Variants in PHF12 observed in about 807,000 individuals in gnomAD.
The protein encoded by PHF12 is PHD finger protein 12, also known as PHD factor 1.
Under a neutral mutation model 99.8 loss-of-function variants are expected in PHF12, and 6 were observed. The ratio of observed to expected loss-of-function variants is 0.06; its 90% CI spans 0.03 to 0.12. The LOEUF (loss-of-function observed/expected upper bound fraction) is 0.12, where lower values mean the gene tolerates loss of function less well. PHF12 is among the 10% of genes least tolerant of loss of function. PHF12 has a pLI of 1.00. For synonymous variants in PHF12, 480 were observed against 514.9 expected, an observed-to-expected ratio of 0.93 and a Z score of 0.92; for missense variants, 954 against 1,300.1, an observed-to-expected ratio of 0.73 and a Z score of 4.09.
Position 28,906,709 on chromosome 17 carries a change from G to T in PHF12, c.2680+147C>A. 1 of 1,323,066 alleles carries T rather than the reference G, an allele frequency of 7.6e-7. No homozygotes were observed. The highest frequency in any genetic ancestry group is 1.0e-6 in the Non-Finnish European group (1 of 973,036). The allele number at this position is 1,323,066 out of a possible 1,614,324, so 82.0% of individuals were successfully genotyped here. A position where few individuals can be genotyped will look rare whatever the true frequency, so the allele number is the denominator to read the frequency against. On this transcript the variant is annotated intron_variant, in intron 14 of 14. Transcript: ENST00000332830. The surrounding 1 kb of genome is among the most constrained non-coding windows in gnomAD (Gnocchi z 4.2). ...ACACACATGGGGGTACTCAGCACTT[G>T]CTTCTCTGTGGCCTGCCCTGGGCCC...
chr17:28,950,829 T>C lies in PHF12; in HGVS notation c.66+66A>G, dbSNP rs2040797136. 1.3e-6 allele frequency: 2 copies of C among 1,599,446 alleles called. No homozygotes were observed. Among genetic ancestry groups the C allele is most frequent in the African/African-American group, 1.3e-5 (1 of 74,204 alleles). On this transcript the variant is annotated intron_variant, in intron 1 of 14. Coordinates refer to ENST00000332830, the MANE Select transcript of PHF12 (RefSeq NM_001033561.2). This position sits in a 1 kb window ranked among gnomAD's most constrained non-coding sequence, Gnocchi z 5.7. Reference sequence around the variant, plus strand: ...GGCGCTTCGAGTTTAGGACTGGCTTTGTGGGGCGGAGGGCGGAGGTTCCCT... The same window carrying C: ...GGCGCTTCGAGTTTAGGACTGGCTTCGTGGGGCGGAGGGCGGAGGTTCCCT...
At position 28,910,939 on chromosome 17, in the gene PHF12, C is replaced by G. The variant is rs1211149515; in HGVS notation, c.2215+173G>C. On this transcript the variant is annotated intron_variant, in intron 10 of 14. Coordinates refer to ENST00000332830, the MANE Select transcript of PHF12 (RefSeq NM_001033561.2). ...GTAGAAGGCAGAGCTACAGAAGGAG[C>G]TTTCTTTTTCACCCCGCCCCCCCAT... 8.2e-6 allele frequency: 7 copies of G among 858,592 alleles called. No homozygotes were observed. In the East Asian group the frequency reaches 1.9e-4, roughly 24 times the overall value. The allele number at this position is 858,592 out of a possible 1,614,324, so 53.2% of individuals were successfully genotyped here.
chr17:28,912,081 T>TCGGTG, intron 9 of PHF12: 1 of 1,021,214 alleles, frequency 9.8e-7, no homozygotes, highest in Admixed American at 5.5e-5. Context: ...TGTGTGGATC[T>TCGGTG]GACAATACTG....
intron 4 of PHF12, 50 bp from the exon 5 acceptor site, chr17:28,921,858 A>G (rs1212721741): frequency 6.2e-7 from 1 of 1,607,602 alleles, no homozygotes; most frequent in Non-Finnish European, 8.5e-7. Flanking sequence ...CAGAGTTCCT[A>G]GCCTGCAATA....
In PHF12 at chr17:28,951,331, G is replaced by A. The variant is rs552266820; in HGVS notation, c.-371C>T. 109 of 1,056,384 alleles carry A rather than the reference G, an allele frequency of 1.0e-4. No individual in the cohort carries two copies. In the Admixed American group the frequency reaches 2.0e-3, roughly 19 times the overall value. 65.4% of individuals were successfully genotyped at this position (1,056,384 alleles called of 1,614,324 possible). A position where few individuals can be genotyped will look rare whatever the true frequency, so the allele number is the denominator to read the frequency against. On this transcript the variant is annotated 5_prime_UTR_variant, in exon 1 of 15. Coordinates refer to ENST00000332830, the MANE Select transcript of PHF12 (RefSeq NM_001033561.2). ...CATCCCGGGGCTGGGGGTATCGGAG[G>A]GGGGGTGAGAGGTTACGTGAGGTTG...
At position 28,930,345 on chromosome 17, in the gene PHF12, C is replaced by CA. The variant is rs78882320; in HGVS notation, c.249-3283dup. Among the ~76,000 whole-genome samples the CA allele has an allele frequency of 6.4e-4, 98 of 152,356 alleles. 1 individual carries two copies. The East Asian group carries it at 0.017, about 26-fold the overall frequency. ...CATTACATGTCTGAATCCCCTTCTC[C>CA]ATGCCTCATTTGCCTTTGTACCTCC... On this transcript the variant is annotated intron_variant, in intron 2 of 14. Coordinates refer to ENST00000332830, the MANE Select transcript of PHF12 (RefSeq NM_001033561.2).
In PHF12 at chr17:28,907,000, G is replaced by A. The variant is rs748340273; in HGVS notation, c.2542-6C>T. The A allele has an allele frequency of 2.5e-6, 4 of 1,601,722 alleles. No individual in the cohort carries two copies. The highest frequency in any genetic ancestry group is 3.4e-6 in the Non-Finnish European group (4 of 1,173,488). On this transcript the variant is annotated splice_region_variant and splice_polypyrimidine_tract_variant and intron_variant, in intron 13 of 14. Coordinates refer to ENST00000332830, the MANE Select transcript of PHF12 (RefSeq NM_001033561.2). This position sits in a 1 kb window ranked among gnomAD's most constrained non-coding sequence, Gnocchi z 4.2. ...AGCTCATAATGTTTGGTATTCTGAGGAGGAGGAGGGGAGATAAGATGTGTG... is the reference window on the plus strand; with the variant it reads ...AGCTCATAATGTTTGGTATTCTGAGAAGGAGGAGGGGAGATAAGATGTGTG...
intron 5 of PHF12, among the ~76,000 whole-genome samples, chr17:28,920,740 T>C (rs2040147942): frequency 6.6e-6 from 1 of 152,008 alleles, no homozygotes; most frequent in South Asian, 2.1e-4. Context: ...TTTTTGTATT[T>C]TTAGTAGAGA....
intron 6 of PHF12, 31 bp downstream of exon 6, chr17:28,919,112 T>C (rs371107686): frequency 1.1e-5 from 17 of 1,600,968 alleles, no homozygotes; most frequent in East Asian, 2.2e-5. Flanking sequence ...GCTATGCCCA[T>C]TGAGGACTGA....
Position 28,911,147 on chromosome 17 carries a change from G to A in PHF12, c.2180C>T (p.Thr727Ile). 1 of 1,614,160 alleles carries A rather than the reference G, an allele frequency of 6.2e-7. No homozygotes were observed. The highest frequency in any genetic ancestry group is 8.5e-7 in the Non-Finnish European group (1 of 1,180,018). ...PANSTAMVDL[T>I]NSLRAFMDVN... ...ATCCATAAATGCTCGAAGTGAGTTG[G>A]TGAGGTCCACCATGGCAGTAGAGTT... The change falls in exon 10 of 15, where the codon ACC becomes ATC. Residue 727 changes from threonine (T) to isoleucine (I), a missense_variant. Coordinates refer to ENST00000332830, the MANE Select transcript of PHF12 (RefSeq NM_001033561.2).
intron 2 of PHF12, among the ~76,000 whole-genome samples, chr17:28,937,523 T>G (rs2040531702): frequency 1.3e-5 from 2 of 152,210 alleles, no homozygotes; most frequent in Non-Finnish European, 2.9e-5. Flanking sequence ...AATGCCCCAT[T>G]GAGAAACTTA....
Position 28,924,031 on chromosome 17 carries a change from T to A in PHF12, c.593A>T (p.Glu198Val), listed in dbSNP as rs1567960321. The A allele has an allele frequency of 6.2e-7, 1 of 1,614,182 alleles. No homozygotes were observed. Among genetic ancestry groups the A allele is most frequent in the South Asian group, 1.1e-5 (1 of 91,086 alleles). Residue 198 changes from glutamate (E) to valine (V), a missense_variant, in exon 4 of 15, where the codon GAG (glutamate) becomes GTG (valine). Physicochemically the swap from Glu to Val is moderately radical, Grantham distance 121 (BLOSUM62 -2). Transcript: ENST00000332830. ...CAGCTGGGGCTGCACATAGTCTGGC[T>A]CCGCTGCTACTGGTTCCTCATCCAC... Reference protein sequence around the residue: ...IDVDEEPVAAEPDYVQPQLRR... With the variant: ...IDVDEEPVAAVPDYVQPQLRR...
At chr17:28,908,960 C>T in intron 11 of PHF12, 79 bp from the exon 12 acceptor site, 1 of 1,349,070 alleles carries the variant, frequency 7.4e-7, no homozygotes, top group Non-Finnish European at 1.0e-6. Context: ...AAATCTGGAC[C>T]TTTGGCTCAT....
In PHF12 at chr17:28,933,744, C is replaced by T. The variant is rs140315258; in HGVS notation, c.249-6681G>A. Among the ~76,000 whole-genome samples, 69 of 152,274 alleles carry T rather than the reference C, an allele frequency of 4.5e-4. 1 individual carries two copies. Among genetic ancestry groups the T allele is most frequent in the South Asian group, 2.1e-3 (10 of 4,824 alleles). On this transcript the variant is annotated intron_variant, in intron 2 of 14. Coordinates refer to ENST00000332830, the MANE Select transcript of PHF12 (RefSeq NM_001033561.2). ...GAACGCAAAGCAAACAAATTATCATCTACCCCATCAAAAAAGTAGTCTAGG... is the reference window on the plus strand; with the variant it reads ...GAACGCAAAGCAAACAAATTATCATTTACCCCATCAAAAAAGTAGTCTAGG...
chr17:28,913,417 T>C, intron 8 of PHF12, 140 bp from the exon 9 acceptor site: 6 of 1,430,566 alleles, frequency 4.2e-6, no homozygotes, highest in Non-Finnish European at 5.5e-6. Context: ...TGTGCTTGAC[T>C]CCTGATAGAA....
Position 28,949,807 on chromosome 17 carries a change from C to T in PHF12, c.248+258G>A. 1 of 373,190 alleles carries T rather than the reference C, an allele frequency of 2.7e-6. No individual in the cohort carries two copies. Among genetic ancestry groups the T allele is most frequent in the Non-Finnish European group, 4.8e-6 (1 of 208,464 alleles). The allele number at this position is 373,190 out of a possible 1,614,324, so 23.1% of individuals were successfully genotyped here. A position where few individuals can be genotyped will look rare whatever the true frequency, so the allele number is the denominator to read the frequency against. ...GGCCGGCTCTGTCCCGGCTCCCCAG[C>T]GACTTCCAATCCCATATGGGGTTCT... On this transcript the variant is annotated intron_variant, in intron 2 of 14. Coordinates refer to ENST00000332830, the MANE Select transcript of PHF12 (RefSeq NM_001033561.2). This position sits in a 1 kb window ranked among gnomAD's most constrained non-coding sequence, Gnocchi z 4.6.
chr17:28,912,310 G>A (rs1421820024), intron 9 of PHF12, 172 bp downstream of exon 9: 6 of 1,389,334 alleles, frequency 4.3e-6, no homozygotes, highest in South Asian at 1.8e-5. Flanking sequence ...ATTTATAAAC[G>A]GGACAAGTTA....
intron 2 of PHF12, chr17:28,944,375 C>A: frequency 1.5e-6 from 1 of 659,068 alleles, no homozygotes; most frequent in South Asian, 6.8e-5. Flanking sequence ...AAACTGTAAT[C>A]TTTCAAGAGT....
intron 2 of PHF12, chr17:28,945,367 T>C (rs879455861): frequency 4.6e-5 from 7 of 152,234 alleles, no homozygotes; most frequent in Admixed American, 3.9e-4. Flanking sequence ...GTTTTGCCTG[T>C]GCACAGAGAC....
Sources: allele counts gnomAD v4.1 joint callset (sites outside exome capture counted in the v4.1 genomes callset), GRCh38; gene constraint gnomAD v4.1.1; non-coding constraint Gnocchi (gnomAD v3.1); transcripts MANE v1.5; gene names NCBI Gene and HGNC (gene_info 2026-07-23, HGNC 2026-07-21).